Variants in TNFAIP8L2 observed in about 807,000 individuals in gnomAD.
TNFAIP8L2 encodes TNF alpha induced protein 8 like 2.
In TNFAIP8L2, 2 loss-of-function variants were observed where a neutral mutation model predicts 5.6. The observed-to-expected ratio is 0.36, with a 90% CI of 0.15 to 1.13. TNFAIP8L2 has a LOEUF of 1.13. Among genes scored for constraint, TNFAIP8L2 ranks in the 50% most tolerant of loss-of-function variants. The probability of loss-of-function intolerance (pLI) is 0.40; values close to 1 mark genes in which losing one functional copy is unlikely to be tolerated. For synonymous variants in TNFAIP8L2, 91 were observed against 101.1 expected, an observed-to-expected ratio of 0.90 and a Z score of 0.60; for missense variants, 216 against 241.8, an observed-to-expected ratio of 0.89 and a Z score of 0.71.
At chr1:151,157,068 G>C (rs972909180) in intron 1 of TNFAIP8L2, among the ~76,000 whole-genome samples, 19 of 152,110 alleles carry the variant, frequency 1.2e-4, no homozygotes, top group African/African-American at 4.6e-4. Flanking sequence ...AAGAGAAAAA[G>C]GGAGACTGAA....
rs1239176693 is a variant in TNFAIP8L2 at position 151,158,942 on chromosome 1, G to T, written c.245G>T (p.Ser82Ile). Reference protein sequence around the residue: ...VLHRNGSFGPSELALATRFRQ... With the variant: ...VLHRNGSFGPIELALATRFRQ... Reference sequence around the variant, plus strand: ...CACCGCAATGGCTCCTTTGGCCCCAGTGAGCTGGCCCTGGCTACCCGCTTT... The same window carrying T: ...CACCGCAATGGCTCCTTTGGCCCCATTGAGCTGGCCCTGGCTACCCGCTTT... The change falls in exon 2 of 2, where the codon AGT becomes ATT. Residue 82 changes from serine (S) to isoleucine (I), a missense_variant. Physicochemically the swap from Ser to Ile is moderately radical, Grantham distance 142. Transcript: ENST00000368910. 1.2e-6 allele frequency: 2 copies of T among 1,614,272 alleles called. No individual in the cohort carries two copies. Among genetic ancestry groups the T allele is most frequent in the Non-Finnish European group, 1.7e-6 (2 of 1,180,060 alleles).
intron 1 of TNFAIP8L2, among the ~76,000 whole-genome samples, 189 bp downstream of exon 1, chr1:151,156,911 T>A (rs1406753382): frequency 6.6e-6 from 1 of 151,972 alleles, no homozygotes; most frequent in African/African-American, 2.4e-5. Context: ...TTGGATGCGG[T>A]GGGGGCAGGG....
chr1:151,159,406 A>G lies in TNFAIP8L2; in HGVS notation c.*154A>G. ...GTGCTTTTGACTCTGAGACCAGCCCACCCCCAAACAGCTAGTGGAGAAGGA... is the reference window on the plus strand; with the variant it reads ...GTGCTTTTGACTCTGAGACCAGCCCGCCCCCAAACAGCTAGTGGAGAAGGA... On this transcript the variant is annotated 3_prime_UTR_variant, in exon 2 of 2. Coordinates refer to ENST00000368910, the MANE Select transcript of TNFAIP8L2 (RefSeq NM_024575.5). 3.9e-6 allele frequency: 3 copies of G among 760,630 alleles called. No individual in the cohort carries two copies. Among genetic ancestry groups the G allele is most frequent in the Non-Finnish European group, 6.4e-6 (3 of 472,368 alleles). The allele number at this position is 760,630 out of a possible 1,614,324, so 47.1% of individuals were successfully genotyped here.
chr1:151,157,773 G>T (rs747147477), intron 1 of TNFAIP8L2, among the ~76,000 whole-genome samples: 23 of 152,318 alleles, frequency 1.5e-4, no homozygotes, highest in Non-Finnish European at 1.3e-4. Flanking sequence ...CTGACGTAAA[G>T]CACTTGCATA....
chr1:151,157,819 A>G (rs1395506721), intron 1 of TNFAIP8L2, among the ~76,000 whole-genome samples: 1 of 152,194 alleles, frequency 6.6e-6, no homozygotes, highest in Non-Finnish European at 1.5e-5. Context: ...TATTACTCCT[A>G]TTAGGATTCC....
In TNFAIP8L2 at chr1:151,158,646, G is replaced by A. The variant is rs1683314273; in HGVS notation, c.-32-20G>A. On this transcript the variant is annotated intron_variant, in intron 1 of 1. Coordinates refer to ENST00000368910, the MANE Select transcript of TNFAIP8L2 (RefSeq NM_024575.5). The stretch of plus-strand genomic sequence containing the variant: ...AAGCCATTTCTCTCTTTCTAAGGAA[G>A]CCTGTGGCCTTTCTTCTAGTGACTG... 7.0e-7 allele frequency: 1 copy of A among 1,436,806 alleles called. No homozygotes were observed. The highest frequency in any genetic ancestry group is 1.4e-5 in the South Asian group (1 of 73,112). The allele number at this position is 1,436,806 out of a possible 1,614,324, so 89.0% of individuals were successfully genotyped here. A position where few individuals can be genotyped will look rare whatever the true frequency, so the allele number is the denominator to read the frequency against.
At position 151,158,774 on chromosome 1, in the gene TNFAIP8L2, T is replaced by A. The variant is rs775184784; in HGVS notation, c.77T>A (p.Val26Glu). ...CTGAGTAAGATGGCGGGTCGCTCTG[T>A]GGCTCATCTCTTCATAGATGAGACA... is the stretch of plus-strand genomic sequence containing the variant. ...KLLSKMAGRS[V>E]AHLFIDETSS... Residue 26 changes from valine to glutamate, a missense_variant, in exon 2 of 2, where the codon GTG (valine) becomes GAG (glutamate). Val to Glu is a moderately radical substitution (Grantham distance 121). Coordinates refer to ENST00000368910, the MANE Select transcript of TNFAIP8L2 (RefSeq NM_024575.5). The A allele has an allele frequency of 6.2e-7, 1 of 1,614,064 alleles. No individual in the cohort carries two copies. Among genetic ancestry groups the A allele is most frequent in the South Asian group, 1.1e-5 (1 of 91,064 alleles).
At position 151,158,943 on chromosome 1, in the gene TNFAIP8L2, T is replaced by G. The variant is rs1419813451; in HGVS notation, c.246T>G (p.Ser82Arg). 6.2e-7 allele frequency: 1 copy of G among 1,614,150 alleles called. No homozygotes were observed. Among genetic ancestry groups the G allele is most frequent in the East Asian group, 2.2e-5 (1 of 44,888 alleles). The change falls in exon 2 of 2, where the codon AGT becomes AGG. Residue 82 changes from serine to arginine, a missense_variant. Physicochemically the swap from Ser to Arg is moderately radical, Grantham distance 110 (BLOSUM62 -1). Coordinates refer to ENST00000368910, the MANE Select transcript of TNFAIP8L2 (RefSeq NM_024575.5). ...VLHRNGSFGP[S>R]ELALATRFRQ... is the part of the protein sequence containing the mutation. Reference sequence around the variant, plus strand: ...ACCGCAATGGCTCCTTTGGCCCCAGTGAGCTGGCCCTGGCTACCCGCTTTC... The same window carrying G: ...ACCGCAATGGCTCCTTTGGCCCCAGGGAGCTGGCCCTGGCTACCCGCTTTC...
chr1:151,159,536 G>A lies in TNFAIP8L2; in HGVS notation c.*284G>A, dbSNP rs998696282. ...ACTTGGATCTCTATTTCTCCCATAA[G>A]GGACTTCTGAAACAGGGAAGCCCCC... On this transcript the variant is annotated 3_prime_UTR_variant, in exon 2 of 2. Coordinates refer to ENST00000368910, the MANE Select transcript of TNFAIP8L2 (RefSeq NM_024575.5). 4.0e-5 allele frequency: 14 copies of A among 350,602 alleles called. No individual in the cohort carries two copies. The highest frequency in any genetic ancestry group is 7.3e-5 in the Non-Finnish European group (13 of 177,162). 21.7% of individuals were successfully genotyped at this position (350,602 alleles called of 1,614,324 possible). A position where few individuals can be genotyped will look rare whatever the true frequency, so the allele number is the denominator to read the frequency against.
intron 1 of TNFAIP8L2, among the ~76,000 whole-genome samples, chr1:151,156,942 C>T (rs58618837): frequency 0.021 from 3,211 of 152,068 alleles, 97 homozygotes; most frequent in African/African-American, 0.073. Flanking sequence ...CAGGTGGATC[C>T]ACATCCATAT....
chr1:151,159,422 T>C lies in TNFAIP8L2; in HGVS notation c.*170T>C. On this transcript the variant is annotated 3_prime_UTR_variant, in exon 2 of 2. Transcript: ENST00000368910. Reference sequence around the variant, plus strand: ...GACCAGCCCACCCCCAAACAGCTAGTGGAGAAGGAGCAATGCTGAGGGGTG... The same window carrying C: ...GACCAGCCCACCCCCAAACAGCTAGCGGAGAAGGAGCAATGCTGAGGGGTG... The C allele has an allele frequency of 2.9e-6, 2 of 684,048 alleles. No individual in the cohort carries two copies. Among genetic ancestry groups the C allele is most frequent in the South Asian group, 2.0e-5 (1 of 51,216 alleles). The allele number at this position is 684,048 out of a possible 1,614,324, so 42.4% of individuals were successfully genotyped here. A position where few individuals can be genotyped will look rare whatever the true frequency, so the allele number is the denominator to read the frequency against.
In TNFAIP8L2 at chr1:151,157,114, G is replaced by A. The variant is rs146639265; in HGVS notation, c.-33+392G>A. Among the ~76,000 whole-genome samples the A allele has an allele frequency of 1.7e-3, 257 of 152,294 alleles. No individual in the cohort carries two copies. In the Middle Eastern group the frequency reaches 0.027, roughly 16 times the overall value. On this transcript the variant is annotated intron_variant, in intron 1 of 1. Transcript: ENST00000368910. The stretch of plus-strand genomic sequence containing the variant: ...AGGGAGAAGACAGCGGAATAAATGT[G>A]AGACGGCAATGGGGGCAATGGAGAG...
Position 151,158,820 on chromosome 1 carries a change from G to A in TNFAIP8L2, c.123G>A (p.Glu41=). 1 of 1,614,150 alleles carries A rather than the reference G, an allele frequency of 6.2e-7. No homozygotes were observed. The highest frequency in any genetic ancestry group is 8.5e-7 in the Non-Finnish European group (1 of 1,180,032). Residue 41 remains glutamate (E), a synonymous_variant, in exon 2 of 2, where the codon GAG becomes GAA. Coordinates refer to ENST00000368910, the MANE Select transcript of TNFAIP8L2 (RefSeq NM_024575.5). The part of the protein sequence containing the change: ...IDETSSEVLD[E]LYRVSKEYTH... ...AGACAAGCAGTGAGGTGCTAGATGA[G>A]CTCTACCGTGTGTCCAAGGAGTACA... is the stretch of plus-strand genomic sequence containing the variant.
Position 151,159,204 on chromosome 1 carries a change from C to T in TNFAIP8L2, c.507C>T (p.Gly169=), listed in dbSNP as rs766868581. ...LYGPDFTQHL[G]KICDGLRKLL... ...GGCCTGACTTCACTCAGCACCTTGG[C>T]AAGATCTGTGACGGACTCAGGAAGC... Residue 169 remains glycine, a synonymous_variant, in exon 2 of 2, where the codon GGC becomes GGT. Coordinates refer to ENST00000368910, the MANE Select transcript of TNFAIP8L2 (RefSeq NM_024575.5). 4 of 1,614,164 alleles carry T rather than the reference C, an allele frequency of 2.5e-6. No individual in the cohort carries two copies. In the Admixed American group the frequency reaches 6.7e-5, roughly 27 times the overall value.
chr1:151,157,680 A>G (rs587644905), intron 1 of TNFAIP8L2, among the ~76,000 whole-genome samples: 49 of 152,318 alleles, frequency 3.2e-4, no homozygotes, highest in African/African-American at 4.8e-4. Context: ...CCAAATTGCT[A>G]TATTTCTCTT....
chr1:151,158,602 G>A (rs1384226684), intron 1 of TNFAIP8L2, 64 bp from the exon 2 acceptor site: 2 of 1,199,832 alleles, frequency 1.7e-6, no homozygotes, highest in Non-Finnish European at 2.3e-6. Context: ...GGAAACTAAA[G>A]AAGCAACAGA....
Position 151,157,558 on chromosome 1 carries a change from C to T in TNFAIP8L2, c.-33+836C>T, listed in dbSNP as rs189732326. On this transcript the variant is annotated intron_variant, in intron 1 of 1. Coordinates refer to ENST00000368910, the MANE Select transcript of TNFAIP8L2 (RefSeq NM_024575.5). ...CTGCCTGCCCTTCTTGAGGTGTTGG[C>T]TTCTCGTGCTTCCTCAGTGTGCTTT... Among the ~76,000 whole-genome samples the T allele has an allele frequency of 1.4e-3, 216 of 152,284 alleles. 1 individual carries two copies. Among genetic ancestry groups the T allele is most frequent in the Middle Eastern group, 0.01 (3 of 294 alleles).
chr1:151,157,763 C>T (rs587651448), intron 1 of TNFAIP8L2, among the ~76,000 whole-genome samples: 2 of 152,288 alleles, frequency 1.3e-5, no homozygotes, highest in African/African-American at 4.8e-5. Context: ...GCTAAGATGA[C>T]TGACGTAAAG....
intron 1 of TNFAIP8L2, among the ~76,000 whole-genome samples, chr1:151,156,990 GGAGA>G (rs1285246430): frequency 3.3e-5 from 5 of 152,110 alleles, no homozygotes; most frequent in Non-Finnish European, 2.9e-5. Context: ...TAGGAAACAA[GGAGA>G]TAGATGGGTA....
Sources: gnomAD v4.1 joint callset for allele counts (sites outside exome capture counted in the v4.1 genomes callset) on GRCh38, gnomAD v4.1.1 for gene constraint, MANE v1.5 for transcripts, NCBI Gene and HGNC (gene_info 2026-07-23, HGNC 2026-07-21) for gene names.